The following MYRIP variants were observed in gnomAD, a reference collection of about 807,000 sequenced individuals.
MYRIP encodes myosin VIIA and Rab interacting protein.
A neutral mutation model predicts 98.0 loss-of-function variants in MYRIP; 49 were observed. The observed-to-expected ratio is 0.50, with a 90% CI of 0.40 to 0.63. The LOEUF (loss-of-function observed/expected upper bound fraction) is 0.63. Among genes scored for constraint, MYRIP ranks in the 30% least tolerant of loss-of-function variants. The pLI is 0.00. For missense variants in MYRIP, 1,004 were observed against 1,058.2 expected (o/e 0.95, Z 0.71); for synonymous variants, 404 against 409.5 (o/e 0.99, Z 0.16).
intron 2 of MYRIP, among the ~76,000 whole-genome samples, chr3:39,972,717 A>G (rs1388745917): frequency 3.9e-5 from 6 of 152,068 alleles, no homozygotes; most frequent in African/African-American, 1.2e-4. Flanking sequence ...TGGGAAATAG[A>G]AACAGGTGTT....
At chr3:40,192,207 C>T (rs11716926) in intron 10 of MYRIP, among the ~76,000 whole-genome samples, 67,052 of 146,488 alleles carry the variant, frequency 0.46, 15,890 homozygotes, top group Non-Finnish European at 0.52. Flanking sequence ...TCCTTCTACT[C>T]AACCTCCCAA....
chr3:40,193,788 T>G (rs548678731), intron 10 of MYRIP, among the ~76,000 whole-genome samples: 1 of 152,248 alleles, frequency 6.6e-6, no homozygotes, highest in Admixed American at 6.5e-5. Flanking sequence ...AACACTTTCA[T>G]AATTACTACT....
At chr3:39,922,984 C>G (rs138204679) in intron 2 of MYRIP, among the ~76,000 whole-genome samples, 1 of 141,606 alleles carries the variant, frequency 7.1e-6, no homozygotes, top group Non-Finnish European at 1.6e-5. Flanking sequence ...AATAATAAAC[C>G]CTTAACGAGG....
upstream of MYRIP, among the ~76,000 whole-genome samples, chr3:39,809,294 G>C (rs921153310): frequency 2.0e-5 from 3 of 151,626 alleles, no homozygotes; most frequent in Non-Finnish European, 3.0e-5. Context: ...CCCGAACCGC[G>C]GCCCCAATAC....
Position 39,967,116 on chromosome 3 carries a change from A to T in MYRIP, c.110+66190A>T, listed in dbSNP as rs575695963. 7.9e-5 allele frequency among the ~76,000 whole-genome samples: 12 copies of T among 152,236 alleles called. No individual in the cohort carries two copies. The East Asian group carries it at 2.1e-3, about 27-fold the overall frequency. ...TGTAAATGTAAATTACTCTTTTTTT[A>T]AACTTTTATTTTAGGTTTGGCGTAT... On this transcript the variant is annotated intron_variant, in intron 2 of 16. Transcript: ENST00000302541.
chr3:39,981,046 T>C (rs1461019064), intron 2 of MYRIP, among the ~76,000 whole-genome samples: 4 of 152,218 alleles, frequency 2.6e-5, no homozygotes, highest in Admixed American at 2.6e-4. Context: ...TGGTAAATTT[T>C]ATGTTGTATA....
In MYRIP at chr3:40,029,780, C is replaced by T. The variant is rs190751327; in HGVS notation, c.111-14270C>T. ...ATAATCTAATATAGAAATGGGCCAC[C>T]TGGTCCTGGTGGCTCATGCCTGTAA... On this transcript the variant is annotated intron_variant, in intron 2 of 16. Coordinates refer to ENST00000302541, the MANE Select transcript of MYRIP (RefSeq NM_015460.4). 1.1e-3 allele frequency among the ~76,000 whole-genome samples: 167 copies of T among 152,152 alleles called. 1 individual carries two copies. Among genetic ancestry groups the T allele is most frequent in the African/African-American group, 3.9e-3 (163 of 41,500 alleles).
At chr3:39,835,759 A>G (rs1941600603) in intron 1 of MYRIP, among the ~76,000 whole-genome samples, 1 of 152,054 alleles carries the variant, frequency 6.6e-6, no homozygotes, top group Non-Finnish European at 1.5e-5. Context: ...CCATTCCCCA[A>G]TAGGCCCCAG....
intron 2 of MYRIP, among the ~76,000 whole-genome samples, chr3:40,042,721 T>C (rs1228119343): frequency 3.3e-5 from 5 of 152,216 alleles, no homozygotes; most frequent in African/African-American, 4.8e-5. Context: ...AGTATTATCA[T>C]AGTAGAATGC....
At chr3:40,186,540 G>C (rs1022666677) in intron 9 of MYRIP, among the ~76,000 whole-genome samples, 1 of 152,098 alleles carries the variant, frequency 6.6e-6, no homozygotes, top group Admixed American at 6.6e-5. Context: ...AAGCAAAAGA[G>C]GGGGGATACT....
At chr3:40,161,752 TC>T (rs976156586) in intron 4 of MYRIP, among the ~76,000 whole-genome samples, 51 of 151,722 alleles carry the variant, frequency 3.4e-4, no homozygotes, top group African/African-American at 1.0e-3. Flanking sequence ...ATTCAGGGCT[TC>T]CATTGCCTGC....
chr3:40,080,444 C>T (rs979031766), intron 3 of MYRIP, among the ~76,000 whole-genome samples: 5 of 151,750 alleles, frequency 3.3e-5, no homozygotes, highest in Admixed American at 6.6e-5. Flanking sequence ...TTGAGTAAGG[C>T]GCTATGCCTT....
chr3:40,057,004 T>G (rs1266666888), intron 3 of MYRIP, among the ~76,000 whole-genome samples: 1 of 152,178 alleles, frequency 6.6e-6, no homozygotes, highest in Non-Finnish European at 1.5e-5. Context: ...GAATATCAGT[T>G]ACTTTTATTA....
intron 3 of MYRIP, among the ~76,000 whole-genome samples, chr3:40,052,571 T>G (rs9860463): frequency 0.29 from 44,787 of 152,046 alleles, 6,680 homozygotes; most frequent in South Asian, 0.36. Context: ...TCTTTTCCAT[T>G]GCTGGGGAAG....
rs373631132 is a variant in MYRIP at position 40,229,491 on chromosome 3, G to C, written c.1906-4368G>C. ...CGGTAAATGACTGTCGTAAAGGCCTGCTTCAGCACTGTGTCATTTGTGAGT... is the reference window on the plus strand; with the variant it reads ...CGGTAAATGACTGTCGTAAAGGCCTCCTTCAGCACTGTGTCATTTGTGAGT... On this transcript the variant is annotated intron_variant, in intron 11 of 16. Transcript: ENST00000302541. Among the ~76,000 whole-genome samples the C allele has an allele frequency of 2.3e-4, 30 of 129,038 alleles. No individual in the cohort carries two copies. In the East Asian group the frequency reaches 6.3e-3, roughly 27 times the overall value. The allele number at this position is 129,038 out of a possible 152,430, so 84.7% of individuals were successfully genotyped here.
intron 1 of MYRIP, among the ~76,000 whole-genome samples, chr3:39,824,079 C>G (rs185954049): frequency 6.6e-6 from 1 of 152,102 alleles, no homozygotes; most frequent in African/African-American, 2.4e-5. Flanking sequence ...ATATGGACAT[C>G]GTTTTCTCAG....
chr3:40,165,749 C>T (rs541066063), intron 5 of MYRIP, among the ~76,000 whole-genome samples: 1 of 74,962 alleles, frequency 1.3e-5, no homozygotes, highest in Non-Finnish European at 2.6e-5. Context: ...CATTTGTTGC[C>T]ATATCTTAAA....
intron 3 of MYRIP, among the ~76,000 whole-genome samples, chr3:40,072,353 C>T (rs1461028685): frequency 1.8e-4 from 28 of 151,920 alleles, no homozygotes; most frequent in Non-Finnish European, 8.8e-5. Flanking sequence ...GGAATATAGG[C>T]GCACACCACC....
At chr3:39,991,941 A>G (rs905872399) in intron 2 of MYRIP, among the ~76,000 whole-genome samples, 6 of 152,188 alleles carry the variant, frequency 3.9e-5, no homozygotes, top group African/African-American at 1.2e-4. Context: ...TAAGGGCTCT[A>G]TAAGTATATA....
Sources: allele counts gnomAD v4.1 joint callset (sites outside exome capture counted in the v4.1 genomes callset), GRCh38; gene constraint gnomAD v4.1.1; transcripts MANE v1.5; gene names NCBI Gene and HGNC (gene_info 2026-07-23, HGNC 2026-07-21).